The following PHACTR3 variants were observed in gnomAD, a reference collection of about 807,000 sequenced individuals.
PHACTR3 encodes the protein phosphatase and actin regulator 3.
PHACTR3 carries 16 observed loss-of-function variants against 66.8 expected under a neutral mutation model. The ratio of observed to expected loss-of-function variants is 0.24; its 90% CI spans 0.16 to 0.36. PHACTR3 has a LOEUF of 0.36. Ranked by LOEUF, PHACTR3 falls within the 10% of genes least tolerant of loss-of-function variation. PHACTR3 has a pLI of 1.00. For missense variants in PHACTR3, 647 were observed against 719.9 expected (o/e 0.90, Z 1.16); for synonymous variants, 323 against 292.1 (o/e 1.11, Z -1.08).
chr20:59,836,249 G>A, intron 8 of PHACTR3: 1 of 450,958 alleles, frequency 2.2e-6, no homozygotes, highest in Non-Finnish European at 3.9e-6. Flanking sequence ...TCAGAAAAAT[G>A]AAGACCTGCA....
intron 8 of PHACTR3, among the ~76,000 whole-genome samples, chr20:59,817,938 G>A (rs757383794): frequency 3.3e-5 from 5 of 152,220 alleles, no homozygotes; most frequent in Non-Finnish European, 7.3e-5. Flanking sequence ...TCTTTACACT[G>A]AGGTTAAGGG....
intron 7 of PHACTR3, among the ~76,000 whole-genome samples, chr20:59,795,759 T>TTTA (rs1283424701): frequency 1.3e-5 from 2 of 152,154 alleles, no homozygotes; most frequent in African/African-American, 4.8e-5. Flanking sequence ...TAAACTCTAA[T>TTTA]TTATCAGATA....
At chr20:59,718,522 C>T (rs2038177963) in intron 1 of PHACTR3, among the ~76,000 whole-genome samples, 1 of 150,918 alleles carries the variant, frequency 6.6e-6, no homozygotes, top group African/African-American at 2.4e-5. Context: ...AGGAAAGAGA[C>T]ATGCAGGTAC....
chr20:59,748,174 T>C (rs1177808078), intron 3 of PHACTR3, among the ~76,000 whole-genome samples: 1 of 152,220 alleles, frequency 6.6e-6, no homozygotes, highest in African/African-American at 2.4e-5. Flanking sequence ...CATTAATTTT[T>C]TTTTCATATT....
chr20:59,837,289 C>CT (rs1312774601), intron 9 of PHACTR3, among the ~76,000 whole-genome samples: 6 of 152,088 alleles, frequency 3.9e-5, no homozygotes, highest in Non-Finnish European at 7.4e-5. Flanking sequence ...TTTTAAAGGA[C>CT]TTTTTTTCTC....
At chr20:59,699,499 A>T (rs1312060200) in intron 1 of PHACTR3, among the ~76,000 whole-genome samples, 1 of 152,074 alleles carries the variant, frequency 6.6e-6, no homozygotes, top group East Asian at 1.9e-4. Context: ...GAGGCTGGAG[A>T]TTATATTTGG....
At chr20:59,707,816 C>T (rs1474459343) in intron 1 of PHACTR3, among the ~76,000 whole-genome samples, 1 of 152,146 alleles carries the variant, frequency 6.6e-6, no homozygotes, top group Non-Finnish European at 1.5e-5. Context: ...TCACCTTCCA[C>T]CATGAGTGGA....
At chr20:59,616,219 T>C (rs565119717) in intron 1 of PHACTR3, among the ~76,000 whole-genome samples, 71 of 152,324 alleles carry the variant, frequency 4.7e-4, no homozygotes, top group African/African-American at 1.6e-3. Flanking sequence ...GTAAAGCGTT[T>C]AGCACAGTTC....
At chr20:59,797,617 T>C (rs1277060036) in intron 7 of PHACTR3, among the ~76,000 whole-genome samples, 1 of 152,208 alleles carries the variant, frequency 6.6e-6, no homozygotes, top group African/African-American at 2.4e-5. Context: ...CAGCAATGCC[T>C]GTGAGTACCT....
intron 1 of PHACTR3, among the ~76,000 whole-genome samples, chr20:59,678,373 C>A (rs536614098): frequency 6.6e-6 from 1 of 152,172 alleles, no homozygotes; most frequent in East Asian, 1.9e-4. Context: ...CCTGCTCACT[C>A]CTGCCTCCCT....
At chr20:59,627,316 C>T (rs906571380) in intron 1 of PHACTR3, among the ~76,000 whole-genome samples, 3 of 152,190 alleles carry the variant, frequency 2.0e-5, no homozygotes, top group Non-Finnish European at 4.4e-5. Flanking sequence ...CCCAAATAAG[C>T]TACCTTCACC....
chr20:59,583,756 C>G (rs1009605244), intron 1 of PHACTR3, among the ~76,000 whole-genome samples: 2 of 152,174 alleles, frequency 1.3e-5, no homozygotes, highest in Non-Finnish European at 2.9e-5. Context: ...ATGGGAGGAC[C>G]GGGGGTCTGG....
chr20:59,777,068 GCT>G (rs1361908098), intron 7 of PHACTR3, among the ~76,000 whole-genome samples: 2 of 152,182 alleles, frequency 1.3e-5, no homozygotes, highest in East Asian at 3.9e-4. Flanking sequence ...CCCTGCGAGT[GCT>G]CCAAGGAGGA....
At chr20:59,717,033 G>A (rs748020299) in intron 1 of PHACTR3, among the ~76,000 whole-genome samples, 34 of 152,194 alleles carry the variant, frequency 2.2e-4, no homozygotes, top group Non-Finnish European at 4.1e-4. Flanking sequence ...TGGATGAAGT[G>A]CAATTGAAAT....
At chr20:59,762,458 G>A (rs116505612) in intron 4 of PHACTR3, among the ~76,000 whole-genome samples, 142 of 152,336 alleles carry the variant, frequency 9.3e-4, no homozygotes, top group African/African-American at 3.2e-3. Context: ...CACTCCAGCC[G>A]CTTGTCCAGT....
At chr20:59,696,916 G>C (rs904499079) in intron 1 of PHACTR3, among the ~76,000 whole-genome samples, 20 of 152,214 alleles carry the variant, frequency 1.3e-4, no homozygotes, top group African/African-American at 4.3e-4. Flanking sequence ...TGGAGGCTGT[G>C]CCTTGCCTGG....
rs80150792 is a variant in PHACTR3, at chr20:59,643,281, C to T, written c.118+38149C>T. ...TCCTGCACAGCATCAATGCACACAG[C>T]GCACATTAAATGAGTGCTATTCCAC... On this transcript the variant is annotated intron_variant, in intron 1 of 12. Transcript: ENST00000371015. 9.2e-4 allele frequency among the ~76,000 whole-genome samples: 140 copies of T among 152,320 alleles called. 1 individual carries two copies. The highest frequency in any genetic ancestry group is 3.0e-3 in the African/African-American group (126 of 41,568).
chr20:59,625,354 G>A (rs1024702108), intron 1 of PHACTR3, among the ~76,000 whole-genome samples: 4 of 151,902 alleles, frequency 2.6e-5, no homozygotes, highest in Admixed American at 6.6e-5. Flanking sequence ...GGGTTTGCCC[G>A]GCAGGCAGCT....
At chr20:59,698,799 A>G (rs1398015251) in intron 1 of PHACTR3, among the ~76,000 whole-genome samples, 1 of 152,214 alleles carries the variant, frequency 6.6e-6, no homozygotes, top group African/African-American at 2.4e-5. Flanking sequence ...TCTCCATGGT[A>G]CTAGTTCTCT....
Sources: gnomAD v4.1 joint callset for allele counts (sites outside exome capture counted in the v4.1 genomes callset) on GRCh38, gnomAD v4.1.1 for gene constraint, MANE v1.5 for transcripts, NCBI Gene and HGNC (gene_info 2026-07-23, HGNC 2026-07-21) for gene names.